CMTR1: variants seen among roughly 807,000 people sequenced by gnomAD.
CMTR1 encodes cap methyltransferase 1.
A neutral mutation model predicts 107.0 loss-of-function variants in CMTR1; 39 were observed. The ratio of observed to expected loss-of-function variants is 0.36; its 90% confidence interval spans 0.28 to 0.48. The LOEUF (loss-of-function observed/expected upper bound fraction) is 0.48. Among genes scored for constraint, CMTR1 ranks in the 20% least tolerant of loss-of-function variants. The pLI, the probability that CMTR1 is intolerant of heterozygous loss-of-function variation, is 0.99. For synonymous variants in CMTR1, 366 were observed against 379.5 expected, an observed-to-expected ratio of 0.96 and a Z score of 0.41; for missense variants, 672 against 1,064.9, an observed-to-expected ratio of 0.63 and a Z score of 5.14.
At chr6:37,444,593 G>A (rs150077119) in intron 3 of CMTR1, among the ~76,000 whole-genome samples, 4 of 152,246 alleles carry the variant, frequency 2.6e-5, no homozygotes, top group African/African-American at 9.6e-5. Flanking sequence ...CTGAAAGAAG[G>A]CCCAATTATC....
intron 13 of CMTR1, among the ~76,000 whole-genome samples, chr6:37,470,208 G>A (rs1478169989): frequency 3.3e-5 from 5 of 150,854 alleles, no homozygotes; most frequent in Admixed American, 6.6e-5. Flanking sequence ...GTGCAGTGGC[G>A]CGATCTCGGC....
At chr6:37,477,363 C>T (rs933063129) in intron 20 of CMTR1, among the ~76,000 whole-genome samples, 1 of 152,196 alleles carries the variant, frequency 6.6e-6, no homozygotes, top group East Asian at 1.9e-4. Context: ...CCCCAGTTGC[C>T]CTGACGCAGG....
At chr6:37,440,288 ATTCT>A (rs1771641962) in intron 2 of CMTR1, among the ~76,000 whole-genome samples, 1 of 152,156 alleles carries the variant, frequency 6.6e-6, no homozygotes, top group Non-Finnish European at 1.5e-5. Flanking sequence ...TGTTTGCTAA[ATTCT>A]TTATCGGTCT....
Position 37,459,549 on chromosome 6 carries a change from C to T in CMTR1, c.977-17C>T. The T allele has an allele frequency of 6.2e-7, 1 of 1,604,824 alleles. No individual in the cohort carries two copies. Among genetic ancestry groups the T allele is most frequent in the South Asian group, 1.1e-5 (1 of 90,874 alleles). On this transcript the variant is annotated splice_polypyrimidine_tract_variant and intron_variant, in intron 9 of 23. Coordinates refer to ENST00000373451, the MANE Select transcript of CMTR1 (RefSeq NM_015050.3). ...TATAGGGCAGATGAACTCACTATGA[C>T]TCTTGTATTCTGACAGGTGAGGGTG...
Position 37,453,429 on chromosome 6 carries a change from C to T in CMTR1, c.777+117C>T, listed in dbSNP as rs1051057685. On this transcript the variant is annotated intron_variant, in intron 8 of 23. Transcript: ENST00000373451. ...GTATTCTGACTGTGTGATGGAGATA[C>T]TTTGCTTTGAGCTCCTCAGATAGGG... 1.9e-5 allele frequency: 19 copies of T among 1,007,584 alleles called. No individual in the cohort carries two copies. The African/African-American group carries it at 2.1e-4, about 11-fold the overall frequency. 62.4% of individuals were successfully genotyped at this position (1,007,584 alleles called of 1,614,324 possible). A position where few individuals can be genotyped will look rare whatever the true frequency, so the allele number is the denominator to read the frequency against.
chr6:37,469,748 G>A (rs1201675117), intron 13 of CMTR1, among the ~76,000 whole-genome samples: 5 of 151,730 alleles, frequency 3.3e-5, no homozygotes, highest in Non-Finnish European at 5.9e-5. Flanking sequence ...GTCTGGTCTC[G>A]AACTCCTGAC....
At chr6:37,460,246 CTT>C (rs1329890562) in intron 10 of CMTR1, among the ~76,000 whole-genome samples, 1 of 152,226 alleles carries the variant, frequency 6.6e-6, no homozygotes, top group Non-Finnish European at 1.5e-5. Flanking sequence ...CTCTGGGACT[CTT>C]TGGGTGGCCT....
chr6:37,474,754 A>G, intron 18 of CMTR1, 108 bp downstream of exon 18: 2 of 1,514,340 alleles, frequency 1.3e-6, no homozygotes. Flanking sequence ...GTGGTGGCTG[A>G]CAGGGCCCAG....
Position 37,435,712 on chromosome 6 carries a change from G to C in CMTR1, c.83G>C (p.Ser28Thr), listed in dbSNP as rs780056458. 1.9e-6 allele frequency: 3 copies of C among 1,602,788 alleles called. No individual in the cohort carries two copies. Among genetic ancestry groups the C allele is most frequent in the Non-Finnish European group, 2.6e-6 (3 of 1,175,804 alleles). The part of the protein sequence containing the change: ...KRVAELALSL[S>T]STSDDEPPSS... ...GTTGCAGAGCTTGCCCTGAGCCTCA[G>C]CTCCACGTCCGATGATGAACCTCCC... Residue 28 changes from serine to threonine, a missense_variant, in exon 2 of 24, where the codon AGC becomes ACC. By Grantham distance (58) the Ser-to-Thr change is moderately conservative. Coordinates refer to ENST00000373451, the MANE Select transcript of CMTR1 (RefSeq NM_015050.3).
chr6:37,473,995 G>GC (rs1412724711), intron 17 of CMTR1, among the ~76,000 whole-genome samples: 8 of 152,142 alleles, frequency 5.3e-5, no homozygotes, highest in African/African-American at 1.7e-4. Flanking sequence ...CCTACCCTGG[G>GC]CCCCCTGGAG....
the CMTR1 span, among the ~76,000 whole-genome samples, chr6:37,425,060 T>A: frequency 6.6e-6 from 1 of 150,686 alleles, no homozygotes; most frequent in Non-Finnish European, 1.5e-5. Context: ...GCAATTCTCC[T>A]GCCTCAGCCT....
chr6:37,427,356 T>G, the CMTR1 span, among the ~76,000 whole-genome samples: 2 of 152,210 alleles, frequency 1.3e-5, no homozygotes, highest in Non-Finnish European at 2.9e-5. This position sits in a 1 kb window ranked among gnomAD's most constrained non-coding sequence, Gnocchi z 4.4. Flanking sequence ...GTATTCTCAT[T>G]ATTTTTATGG....
chr6:37,438,348 C>G (rs1771587075), intron 2 of CMTR1, among the ~76,000 whole-genome samples: 1 of 151,962 alleles, frequency 6.6e-6, no homozygotes, highest in South Asian at 2.1e-4. Context: ...CCACTGCACT[C>G]CAGCCTGGGC....
chr6:37,470,912 C>A, intron 13 of CMTR1, 109 bp from the exon 14 acceptor site: 3 of 811,672 alleles, frequency 3.7e-6, no homozygotes, highest in Non-Finnish European at 5.6e-6. Context: ...CTCTCCAGCT[C>A]CTTCACCAAA....
Position 37,473,514 on chromosome 6 carries a change from C to T in CMTR1, c.1734C>T (p.Thr578=). Reference sequence around the variant, plus strand: ...TCAGCTACAAGCCCACACTGCTCACCTCTAAAACCCTGGAGAAGATCCGCC... The same window carrying T: ...TCAGCTACAAGCCCACACTGCTCACTTCTAAAACCCTGGAGAAGATCCGCC... ...DIFSYKPTLL[T]SKTLEKIRPV... Residue 578 remains threonine (T), a synonymous_variant, in exon 17 of 24, where the codon ACC becomes ACT. Transcript: ENST00000373451. 1.2e-6 allele frequency: 2 copies of T among 1,614,134 alleles called. No homozygotes were observed. Among genetic ancestry groups the T allele is most frequent in the Non-Finnish European group, 1.7e-6 (2 of 1,180,010 alleles).
rs180946049 is a variant in CMTR1 at position 37,452,438 on chromosome 6, G to A, written c.609+561G>A. On this transcript the variant is annotated intron_variant, in intron 6 of 23. Coordinates refer to ENST00000373451, the MANE Select transcript of CMTR1 (RefSeq NM_015050.3). ...GCAGAATGAGCCAGGGAAACTCTGA[G>A]GAGGAAATGGGTTGGTGAAAAAGGC... is the stretch of plus-strand genomic sequence containing the variant. Among the ~76,000 whole-genome samples the A allele has an allele frequency of 3.4e-3, 524 of 152,306 alleles. 4 individuals are homozygous for A. The highest frequency in any genetic ancestry group is 0.012 in the African/African-American group (489 of 41,554).
intron 8 of CMTR1, among the ~76,000 whole-genome samples, chr6:37,457,217 CA>C (rs775870961): frequency 0.046 from 3,821 of 83,598 alleles, 152 homozygotes; most frequent in African/African-American, 0.14. Flanking sequence ...ACCTCGTTGC[CA>C]AAAAAAAAAA....
In CMTR1 at chr6:37,435,661, C is replaced by A; in HGVS notation, c.32C>A (p.Ala11Asp). The change falls in exon 2 of 24, where the codon GCC (alanine) becomes GAC (aspartate). Residue 11 changes from alanine (A) to aspartate (D), a missense_variant. Physicochemically the swap from Ala to Asp is moderately radical, Grantham distance 126. Around this residue, in one of 2 missense-constraint regions of CMTR1, gnomAD observed 89 missense variants for 96.6 expected, o/e 0.92. Coordinates refer to ENST00000373451, the MANE Select transcript of CMTR1 (RefSeq NM_015050.3). ...AGGAGAACTGACCCAGAATGCACTGCCCCCATCAAGAAACAGAAAAAAAGA... is the reference window on the plus strand; with the variant it reads ...AGGAGAACTGACCCAGAATGCACTGACCCCATCAAGAAACAGAAAAAAAGA... MKRRTDPECT[A>D]PIKKQKKRVA... 1 of 1,600,726 alleles carries A rather than the reference C, an allele frequency of 6.2e-7. No homozygotes were observed. Among genetic ancestry groups the A allele is most frequent in the Non-Finnish European group, 8.5e-7 (1 of 1,174,798 alleles).
chr6:37,453,876 A>G (rs1761235790), intron 8 of CMTR1, among the ~76,000 whole-genome samples: 2 of 152,206 alleles, frequency 1.3e-5, no homozygotes, highest in African/African-American at 4.8e-5. Context: ...GGGCTAGGGT[A>G]GAACCAAAAG....
Sources: gnomAD v4.1 joint callset for allele counts (sites outside exome capture counted in the v4.1 genomes callset) on GRCh38, gnomAD v4.1.1 for gene constraint, gnomAD v4.1.1 regional missense constraint, Gnocchi (gnomAD v3.1) non-coding constraint, MANE v1.5 for transcripts, NCBI Gene and HGNC (gene_info 2026-07-23, HGNC 2026-07-21) for gene names.